Variants in MECR observed in about 807,000 individuals in gnomAD.
MECR encodes enoyl-[acyl-carrier-protein] reductase, mitochondrial.
MECR carries 37 observed loss-of-function variants against 49.1 expected under a neutral mutation model. The ratio of observed to expected loss-of-function variants is 0.75; its 90% CI spans 0.58 to 0.99. The LOEUF (loss-of-function observed/expected upper bound fraction) is 0.99, where lower values mean the gene tolerates loss of function less well. MECR is among the 50% of genes least tolerant of loss of function. The pLI, the probability that MECR is intolerant of heterozygous loss-of-function variation, is 0.00. For synonymous variants in MECR, 198 were observed against 191.1 expected (o/e 1.04, Z -0.30); for missense variants, 470 against 479.6 (o/e 0.98, Z 0.19).
At chr1:29,205,027 C>T (rs1676236432) in intron 4 of MECR, among the ~76,000 whole-genome samples, 1 of 152,226 alleles carries the variant, frequency 6.6e-6, no homozygotes, top group South Asian at 2.1e-4. Context: ...GTGAGTTCTA[C>T]AGCCACTGCG....
chr1:29,207,695 G>C (rs982445277), intron 3 of MECR, among the ~76,000 whole-genome samples: 1 of 152,032 alleles, frequency 6.6e-6, no homozygotes, highest in African/African-American at 2.4e-5. Flanking sequence ...AGCTATGATT[G>C]TGTGACTGCA....
chr1:29,227,222 C>T (rs1682330668), intron 1 of MECR, among the ~76,000 whole-genome samples: 1 of 152,086 alleles, frequency 6.6e-6, no homozygotes, highest in Admixed American at 6.5e-5. Context: ...CTCGGCCTCC[C>T]AAAGTGCTGG....
the MECR span, among the ~76,000 whole-genome samples, chr1:29,185,076 A>C: frequency 6.6e-6 from 1 of 151,876 alleles, no homozygotes; most frequent in Non-Finnish European, 1.5e-5. Context: ...CAGTGAGCCA[A>C]GATTGTGCCA....
At chr1:29,181,411 C>T in the MECR span, among the ~76,000 whole-genome samples, 7 of 152,154 alleles carry the variant, frequency 4.6e-5, no homozygotes, top group Non-Finnish European at 1.0e-4. Context: ...TTCCTTCTCC[C>T]CGTCCCACTC....
At chr1:29,216,987 A>G (rs951079657) in intron 1 of MECR, among the ~76,000 whole-genome samples, 3 of 150,986 alleles carry the variant, frequency 2.0e-5, no homozygotes, top group African/African-American at 4.9e-5. Flanking sequence ...TACAAAAATT[A>G]GCTGGGCGTG....
the MECR span, chr1:29,181,723 G>A: frequency 6.3e-7 from 1 of 1,593,752 alleles, no homozygotes; most frequent in Non-Finnish European, 8.5e-7. Context: ...GGGCCTGGTA[G>A]CTCAGGCGGC....
intron 3 of MECR, among the ~76,000 whole-genome samples, chr1:29,210,012 C>G (rs1677568905): frequency 7.1e-6 from 1 of 141,370 alleles, no homozygotes; most frequent in African/African-American, 2.6e-5. Context: ...GGCAGGAACA[C>G]TTTTTTTTTT....
intron 2 of MECR, 133 bp from the exon 3 acceptor site, chr1:29,216,269 T>C: frequency 9.7e-7 from 1 of 1,027,374 alleles, no homozygotes. Flanking sequence ...CTCTGAGCCT[T>C]AGCTTGCTTG....
intron 3 of MECR, among the ~76,000 whole-genome samples, chr1:29,211,887 G>A (rs1678104905): frequency 6.6e-6 from 1 of 152,234 alleles, no homozygotes; most frequent in Non-Finnish European, 1.5e-5. Context: ...CAGCTAGGCA[G>A]CTCAGAACCA....
the MECR span, among the ~76,000 whole-genome samples, chr1:29,168,261 G>A: frequency 6.7e-6 from 1 of 149,610 alleles, no homozygotes. Context: ...GAACTCCTGA[G>A]CTCAGGCAAT....
At chr1:29,230,502 T>C in intron 1 of MECR, 1 of 537,118 alleles carries the variant, frequency 1.9e-6, no homozygotes, top group Non-Finnish European at 3.3e-6. Flanking sequence ...TGACACAATA[T>C]TCGATCAATA....
chr1:29,188,346 C>T (rs1392727106), downstream of MECR, among the ~76,000 whole-genome samples: 5 of 151,308 alleles, frequency 3.3e-5, no homozygotes, highest in South Asian at 2.1e-4. Flanking sequence ...CCTGCCACCA[C>T]GCCCGGCTAA....
intron 9 of MECR, among the ~76,000 whole-genome samples, chr1:29,195,072 C>T (rs970898223): frequency 6.6e-6 from 1 of 152,082 alleles, no homozygotes; most frequent in Non-Finnish European, 1.5e-5. Flanking sequence ...TCTGTGACCA[C>T]ACCACTGCAC....
chr1:29,196,142 C>T (rs764709450), intron 8 of MECR, 56 bp downstream of exon 8: 1 of 1,607,966 alleles, frequency 6.2e-7, no homozygotes, highest in Non-Finnish European at 8.5e-7. Context: ...GGGGATGTGG[C>T]CTGGCTGAGG....
At chr1:29,228,065 A>G (rs1682545852) in intron 1 of MECR, among the ~76,000 whole-genome samples, 1 of 151,940 alleles carries the variant, frequency 6.6e-6, no homozygotes, top group South Asian at 2.1e-4. Flanking sequence ...AGGAATACAT[A>G]CGGTAGTTTC....
At chr1:29,207,317 G>A (rs750966067) in intron 3 of MECR, among the ~76,000 whole-genome samples, 5 of 151,984 alleles carry the variant, frequency 3.3e-5, no homozygotes, top group African/African-American at 4.8e-5. Context: ...ACAGGGTTTT[G>A]CCTTGTTGGT....
At chr1:29,181,708 C>T in the MECR span, 575 of 1,595,722 alleles carry the variant, frequency 3.6e-4, no homozygotes, top group Non-Finnish European at 4.5e-4. Flanking sequence ...CCACATCGCG[C>T]TCCCGGGCCT....
intron 1 of MECR, 104 bp from the exon 2 acceptor site, chr1:29,216,789 C>T (rs1679511905): frequency 6.3e-7 from 1 of 1,583,916 alleles, no homozygotes; most frequent in Admixed American, 1.8e-5. Context: ...TCTGAGCTGC[C>T]ATGTGTGCCC....
At chr1:29,229,205 A>ATT (rs35185139) in intron 1 of MECR, among the ~76,000 whole-genome samples, 1,956 of 143,872 alleles carry the variant, frequency 0.014, 40 homozygotes, top group African/African-American at 0.042. Context: ...ATCTAGCTTG[A>ATT]TTTTTTTTTT....
Sources: gnomAD v4.1 joint callset for allele counts (sites outside exome capture counted in the v4.1 genomes callset) on GRCh38, gnomAD v4.1.1 for gene constraint, MANE v1.5 for transcripts, NCBI Gene and HGNC (gene_info 2026-07-23, HGNC 2026-07-21) for gene names.